Variants in SCAF11 observed in about 807,000 individuals in gnomAD.
The protein encoded by SCAF11 is protein SCAF11.
Under a neutral mutation model 140.5 loss-of-function variants are expected in SCAF11, and 47 were observed. The observed-to-expected ratio is 0.33, with a 90% CI of 0.26 to 0.43. SCAF11 has a LOEUF of 0.43. Among genes scored for constraint, SCAF11 ranks in the 20% least tolerant of loss-of-function variants. The pLI is 1.00. For missense variants in SCAF11, 1,645 were observed against 1,705.1 expected (o/e 0.96, Z 0.62); for synonymous variants, 557 against 579.4 (o/e 0.96, Z 0.55).
chr12:45,986,045 G>GT (rs1156339548), intron 1 of SCAF11, among the ~76,000 whole-genome samples: 2 of 152,202 alleles, frequency 1.3e-5, no homozygotes, highest in East Asian at 1.9e-4. Context: ...TTCCAGCAAA[G>GT]TTTTTTAAAT....
rs556754519 is a variant in SCAF11 at position 45,928,614 on chromosome 12, C to T, written c.1087G>A (p.Glu363Lys). ...GCCTGTCTTGTTTGCTTTTCTGACTCAGCTGAAGAGGGAACACTTAAAGAT... is the reference window on the plus strand; with the variant it reads ...GCCTGTCTTGTTTGCTTTTCTGACTTAGCTGAAGAGGGAACACTTAAAGAT... ...NPSLSVPSSA[E>K]SEKQTRQAPK... The change falls in exon 11 of 15, where the codon GAG becomes AAG. Residue 363 changes from glutamate to lysine, a missense_variant. Around this residue, in one of 2 missense-constraint regions of SCAF11, gnomAD observed 1,582 missense variants for 1,609.2 expected, o/e 0.98. Transcript: ENST00000369367. The T allele has an allele frequency of 2.5e-6, 4 of 1,614,076 alleles. No individual in the cohort carries two copies. The highest frequency in any genetic ancestry group is 2.2e-5 in the East Asian group (1 of 44,876).
chr12:45,963,949 T>C (rs910239774), intron 2 of SCAF11, among the ~76,000 whole-genome samples, 158 bp downstream of exon 2: 10 of 152,018 alleles, frequency 6.6e-5, no homozygotes, highest in Non-Finnish European at 1.5e-4. Flanking sequence ...AAATAAGATA[T>C]GGGAAGAAAA....
intron 1 of SCAF11, among the ~76,000 whole-genome samples, chr12:45,988,996 A>G (rs1203266599): frequency 2.0e-5 from 3 of 152,228 alleles, no homozygotes; most frequent in African/African-American, 7.2e-5. Flanking sequence ...TGCTTAGTTA[A>G]AACAACAAAA....
chr12:45,947,949 T>C (rs1022782337), intron 5 of SCAF11, among the ~76,000 whole-genome samples: 24 of 152,212 alleles, frequency 1.6e-4, no homozygotes, highest in Non-Finnish European at 3.4e-4. Context: ...AGTGCTAGCC[T>C]TAAAGGTGTG....
chr12:45,972,927 T>G lies in SCAF11; in HGVS notation c.-21-8739A>C, dbSNP rs1282419627. On this transcript the variant is annotated intron_variant, in intron 1 of 14. Transcript: ENST00000369367. ...ATATATAGATATATATATAGATATA[T>G]AGATATATATAGATATATATATAGA... Among the ~76,000 whole-genome samples the G allele has an allele frequency of 2.6e-5, 2 of 77,146 alleles. 1 individual carries two copies. The highest frequency in any genetic ancestry group is 1.6e-4 in the African/African-American group (2 of 12,502). The allele number at this position is 77,146 out of a possible 152,430, so 50.6% of individuals were successfully genotyped here.
chr12:45,947,168 T>C (rs947259500), intron 5 of SCAF11, among the ~76,000 whole-genome samples: 2 of 152,204 alleles, frequency 1.3e-5, no homozygotes, highest in East Asian at 1.9e-4. Context: ...TCTGACAACA[T>C]ATTGACTTAA....
chr12:45,947,710 T>C (rs546444737), intron 5 of SCAF11, among the ~76,000 whole-genome samples: 1 of 152,344 alleles, frequency 6.6e-6, no homozygotes, highest in African/African-American at 2.4e-5. Context: ...AGAGTCTTGC[T>C]CTGTTGCTCA....
At chr12:45,974,216 T>A in intron 1 of SCAF11, 1 of 470,930 alleles carries the variant, frequency 2.1e-6, no homozygotes, top group Non-Finnish European at 4.4e-6. Context: ...CTAACAATCA[T>A]CTCAGCAAGG....
At chr12:45,940,016 T>C (rs1945259680) in intron 6 of SCAF11, among the ~76,000 whole-genome samples, 1 of 152,236 alleles carries the variant, frequency 6.6e-6, no homozygotes, top group Admixed American at 6.5e-5. Flanking sequence ...TTCTGTTGCG[T>C]GACAGACTCA....
At chr12:45,957,627 T>C (rs1945722675) in intron 3 of SCAF11, among the ~76,000 whole-genome samples, 2 of 152,130 alleles carry the variant, frequency 1.3e-5, no homozygotes, top group South Asian at 4.1e-4. Flanking sequence ...TTGTATAAAA[T>C]GGAGGGAGAA....
rs189157101 is a variant in SCAF11, at chr12:45,941,357, A to T, written c.463+3892T>A. Among the ~76,000 whole-genome samples the T allele has an allele frequency of 1.4e-3, 215 of 152,342 alleles. 1 individual carries two copies. Among genetic ancestry groups the T allele is most frequent in the Middle Eastern group, 3.4e-3 (1 of 294 alleles). ...TCTGATATACGTACACATTGTGAAA[A>T]TAATCACCACAAACCAAACATATGC... On this transcript the variant is annotated intron_variant, in intron 6 of 14. Coordinates refer to ENST00000369367, the MANE Select transcript of SCAF11 (RefSeq NM_004719.3).
At chr12:45,936,833 G>A (rs779719367) in intron 6 of SCAF11, among the ~76,000 whole-genome samples, 1 of 152,160 alleles carries the variant, frequency 6.6e-6, no homozygotes, top group Non-Finnish European at 1.5e-5. Flanking sequence ...AAGTGGAAAA[G>A]GGTGGGAATT....
chr12:45,944,189 G>A (rs1011613173), intron 6 of SCAF11, among the ~76,000 whole-genome samples: 2 of 152,090 alleles, frequency 1.3e-5, no homozygotes, highest in Admixed American at 1.3e-4. Context: ...GCAAGCAAAT[G>A]CTATTCATAA....
intron 6 of SCAF11, among the ~76,000 whole-genome samples, chr12:45,943,902 A>T (rs958740180): frequency 1.3e-5 from 2 of 152,174 alleles, no homozygotes; most frequent in African/African-American, 4.8e-5. Flanking sequence ...CTAATATGCC[A>T]CATTCTAAAC....
chr12:45,978,975 T>C (rs1251358405), intron 1 of SCAF11, among the ~76,000 whole-genome samples: 1 of 151,870 alleles, frequency 6.6e-6, no homozygotes, highest in Non-Finnish European at 1.5e-5. Flanking sequence ...TTGTGGAGGC[T>C]AAGAAGTCTA....
chr12:45,990,273 G>C (rs1211575893), intron 1 of SCAF11, 80 bp downstream of exon 1: 18 of 1,230,112 alleles, frequency 1.5e-5, no homozygotes, highest in African/African-American at 3.1e-5. Flanking sequence ...CCGCTCCAGC[G>C]CTCTGCGCCG....
At chr12:45,951,594 T>A in intron 4 of SCAF11, 56 bp downstream of exon 4, 3 of 1,182,272 alleles carry the variant, frequency 2.5e-6, no homozygotes, top group Non-Finnish European at 2.4e-6. Flanking sequence ...GAAATCAAAG[T>A]CAAACAGCTT....
At chr12:45,934,980 T>C (rs954093998) in intron 6 of SCAF11, 6 of 152,382 alleles carry the variant, frequency 3.9e-5, no homozygotes, top group African/African-American at 1.4e-4. Flanking sequence ...AATTACCATT[T>C]AGCCACTGGC....
At chr12:45,937,047 A>AT (rs976323588) in intron 6 of SCAF11, among the ~76,000 whole-genome samples, 27 of 150,936 alleles carry the variant, frequency 1.8e-4, no homozygotes, top group East Asian at 1.2e-3. Context: ...ATTTGGTATG[A>AT]TTTTTTTTTC....
Sources: allele counts gnomAD v4.1 joint callset (sites outside exome capture counted in the v4.1 genomes callset), GRCh38; gene constraint gnomAD v4.1.1; regional missense constraint gnomAD v4.1.1; transcripts MANE v1.5; gene names NCBI Gene and HGNC (gene_info 2026-07-23, HGNC 2026-07-21).